Variants in SPECC1 observed in about 807,000 individuals in gnomAD.
The protein encoded by SPECC1 is cytospin-B.
Under a neutral mutation model 104.1 loss-of-function variants are expected in SPECC1, and 62 were observed. That is an observed-to-expected ratio of 0.60 (90% CI 0.49 to 0.74). The LOEUF is 0.74. SPECC1 is among the 30% of genes least tolerant of loss of function. The probability of loss-of-function intolerance (pLI) is 0.00; values close to 1 mark genes in which losing one functional copy is unlikely to be tolerated. For synonymous variants in SPECC1, 513 were observed against 501.6 expected (o/e 1.02, Z -0.30); for missense variants, 1,306 against 1,310.5 (o/e 1.00, Z 0.05).
intron 12 of SPECC1, among the ~76,000 whole-genome samples, chr17:20,295,477 CAT>C (rs570337940): frequency 2.1e-3 from 319 of 152,234 alleles, no homozygotes; most frequent in Middle Eastern, 6.8e-3. Context: ...CCGCAATAAA[CAT>C]ATGTGTGCAT....
At chr17:20,059,917 G>C (rs1597630475) in intron 1 of SPECC1, among the ~76,000 whole-genome samples, 1 of 152,272 alleles carries the variant, frequency 6.6e-6, no homozygotes, top group Admixed American at 6.5e-5. Context: ...TTCATACCTT[G>C]CAAAGAGGTT....
intron 11 of SPECC1, among the ~76,000 whole-genome samples, chr17:20,258,571 A>C (rs2039915715): frequency 6.6e-6 from 1 of 152,164 alleles, no homozygotes; most frequent in Non-Finnish European, 1.5e-5. Context: ...GGTCTTCTAG[A>C]TGCCCCACAA....
chr17:20,189,368 G>T (rs1410707268), intron 3 of SPECC1, among the ~76,000 whole-genome samples: 1 of 152,172 alleles, frequency 6.6e-6, no homozygotes, highest in Non-Finnish European at 1.5e-5. Flanking sequence ...ATTCTGGGAC[G>T]AAGCGCTCCT....
intron 3 of SPECC1, among the ~76,000 whole-genome samples, chr17:20,179,903 T>A (rs1039631564): frequency 6.6e-6 from 1 of 152,188 alleles, no homozygotes; most frequent in African/African-American, 2.4e-5. Context: ...TCGTACTGCC[T>A]TGGAACATCT....
chr17:20,194,479 T>C (rs2035871572), intron 3 of SPECC1, among the ~76,000 whole-genome samples: 1 of 150,206 alleles, frequency 6.7e-6, no homozygotes, highest in African/African-American at 2.5e-5. Flanking sequence ...TCTCCAATTG[T>C]GTTCTGTTAG....
At chr17:20,193,893 G>A (rs571264925) in intron 3 of SPECC1, among the ~76,000 whole-genome samples, 258 of 152,298 alleles carry the variant, frequency 1.7e-3, no homozygotes, top group Middle Eastern at 3.4e-3. Context: ...TTTCTTCTGA[G>A]CAGCAGTCAG....
At chr17:20,197,442 A>C (rs2151309818) in intron 3 of SPECC1, among the ~76,000 whole-genome samples, 2 of 152,344 alleles carry the variant, frequency 1.3e-5, no homozygotes, top group South Asian at 4.1e-4. Flanking sequence ...CTAGGGAAGG[A>C]ATCAAACCCG....
rs545716399 is a variant in SPECC1 at position 20,137,110 on chromosome 17, C to T, written c.283+26548C>T. The stretch of plus-strand genomic sequence containing the variant: ...AGGGCTAGCTTTTCAGACTGCTTTC[C>T]GAGATTTCTGCCCACTCCTGTTTGG... On this transcript the variant is annotated intron_variant, in intron 3 of 14. Coordinates refer to ENST00000395527, the MANE Select transcript of SPECC1 (RefSeq NM_001243439.2). Among the ~76,000 whole-genome samples the T allele has an allele frequency of 1.2e-3, 180 of 152,344 alleles. No homozygotes were observed. In the Middle Eastern group the frequency reaches 0.017, roughly 14 times the overall value.
intron 1 of SPECC1, among the ~76,000 whole-genome samples, chr17:20,012,065 A>G (rs1295311958): frequency 6.6e-6 from 1 of 152,120 alleles, no homozygotes; most frequent in African/African-American, 2.4e-5. Flanking sequence ...TGTGTCTTCT[A>G]TTGATTTCAG....
At chr17:20,304,475 A>C (rs2142133679) in intron 13 of SPECC1, among the ~76,000 whole-genome samples, 1 of 152,334 alleles carries the variant, frequency 6.6e-6, no homozygotes, top group South Asian at 2.1e-4. Flanking sequence ...ATCAGAGAAT[A>C]GCCAGGAAGA....
At chr17:20,259,263 A>G (rs1216534453) in intron 11 of SPECC1, among the ~76,000 whole-genome samples, 1 of 152,218 alleles carries the variant, frequency 6.6e-6, no homozygotes, top group African/African-American at 2.4e-5. Flanking sequence ...AAGAGATTTA[A>G]ATAATCAAAA....
intron 12 of SPECC1, among the ~76,000 whole-genome samples, chr17:20,286,916 C>T (rs2040967347): frequency 6.6e-6 from 1 of 152,200 alleles, no homozygotes; most frequent in Non-Finnish European, 1.5e-5. Flanking sequence ...CGAACTGGCC[C>T]CCAGGGCCCA....
chr17:20,287,846 G>A (rs2041011049), intron 12 of SPECC1, among the ~76,000 whole-genome samples: 1 of 151,696 alleles, frequency 6.6e-6, no homozygotes, highest in Non-Finnish European at 1.5e-5. Flanking sequence ...TGCAGGATGT[G>A]CAGGTTTGTT....
At chr17:20,140,340 T>G (rs1375522456) in intron 3 of SPECC1, among the ~76,000 whole-genome samples, 2 of 152,162 alleles carry the variant, frequency 1.3e-5, no homozygotes. Context: ...TTTTTAAACA[T>G]GAGAAAGAAC....
Position 20,194,502 on chromosome 17 carries a change from A to ATTATTTTTT in SPECC1, c.284-9829_284-9828insATTTTTTTT. Among the ~76,000 whole-genome samples, 205 of 86,530 alleles carry ATTATTTTTT rather than the reference A, an allele frequency of 2.4e-3. 24 individuals are homozygous for ATTATTTTTT. The highest frequency in any genetic ancestry group is 6.2e-3 in the East Asian group (16 of 2,564). The allele number at this position is 86,530 out of a possible 152,430, so 56.8% of individuals were successfully genotyped here. On this transcript the variant is annotated intron_variant, in intron 3 of 14. Coordinates refer to ENST00000395527, the MANE Select transcript of SPECC1 (RefSeq NM_001243439.2). ...TGTGTTCTGTTAGAAAAGAGAACGA[A>ATTATTTTTT]TTTTTTTTTTTTTTTTTTTTTTTGA... is the stretch of plus-strand genomic sequence containing the variant.
At chr17:20,100,121 C>T (rs916132476) in intron 2 of SPECC1, among the ~76,000 whole-genome samples, 13 of 152,008 alleles carry the variant, frequency 8.6e-5, no homozygotes, top group Non-Finnish European at 1.5e-4. Context: ...TTTTGAATAA[C>T]TTTTTCTGCA....
chr17:20,302,878 T>TAAAAAAAAAA (rs35060925), intron 13 of SPECC1, among the ~76,000 whole-genome samples: 2 of 61,872 alleles, frequency 3.2e-5, no homozygotes, highest in African/African-American at 6.7e-5. Context: ...TGAGCCCATC[T>TAAAAAAAAAA]AAAAAAAAAA....
At position 20,205,812 on chromosome 17, in the gene SPECC1, G is replaced by A. The variant is rs748579659; in HGVS notation, c.1763G>A (p.Arg588Gln). The A allele has an allele frequency of 1.9e-5, 30 of 1,614,092 alleles. No individual in the cohort carries two copies. Among genetic ancestry groups the A allele is most frequent in the South Asian group, 3.3e-5 (3 of 91,078 alleles). ...GTTCAAGAAATGTTGAAAGTAGCCC[G>A]AGCAGAGAAAGATCTACTGGAACTG... ...CEVQEMLKVA[R>Q]AEKDLLELSC... Residue 588 changes from arginine to glutamine, a missense_variant, in exon 4 of 15, where the codon CGA becomes CAA. Transcript: ENST00000395527.
At chr17:20,150,167 T>A (rs1267387151) in intron 3 of SPECC1, among the ~76,000 whole-genome samples, 1 of 151,356 alleles carries the variant, frequency 6.6e-6, no homozygotes, top group Non-Finnish European at 1.5e-5. Context: ...TTTAGTATAG[T>A]AGAGACAGGG....
Sources: allele counts gnomAD v4.1 joint callset (sites outside exome capture counted in the v4.1 genomes callset), GRCh38; gene constraint gnomAD v4.1.1; transcripts MANE v1.5; gene names NCBI Gene and HGNC (gene_info 2026-07-23, HGNC 2026-07-21).